PTTG1IP2: variants seen among roughly 807,000 people sequenced by gnomAD.
PTTG1IP2 encodes PTTG1IP family member 2.
chr7:90,484,864 GA>G (rs1797850910), intron 2 of PTTG1IP2, among the ~76,000 whole-genome samples: 1 of 152,138 alleles, frequency 6.6e-6, no homozygotes. Context: ...TCTGGGAATT[GA>G]CTTTATTTTT....
At chr7:90,498,504 G>A (rs547195405) in intron 6 of PTTG1IP2, among the ~76,000 whole-genome samples, 4 of 150,648 alleles carry the variant, frequency 2.7e-5, no homozygotes, top group African/African-American at 1.0e-4. Flanking sequence ...GAAACCAAAA[G>A]AGAGCAGGGG....
At chr7:90,488,291 A>G (rs555454614) in intron 3 of PTTG1IP2, among the ~76,000 whole-genome samples, 44 of 149,632 alleles carry the variant, frequency 2.9e-4, no homozygotes, top group Non-Finnish European at 5.5e-4. Context: ...TTGCCTTATA[A>G]AGAAGTTACA....
At chr7:90,503,779 T>C (rs764146410) in intron 6 of PTTG1IP2, among the ~76,000 whole-genome samples, 2 of 152,134 alleles carry the variant, frequency 1.3e-5, no homozygotes, top group Non-Finnish European at 2.9e-5. Context: ...TCATCATGGA[T>C]CACCATAACA....
At chr7:90,503,811 T>A (rs1798087355) in intron 6 of PTTG1IP2, among the ~76,000 whole-genome samples, 1 of 152,168 alleles carries the variant, frequency 6.6e-6, no homozygotes, top group Admixed American at 6.6e-5. Flanking sequence ...AATGAACAAC[T>A]TTGAAATATT....
At chr7:90,505,529 A>G (rs1050543310) in intron 6 of PTTG1IP2, among the ~76,000 whole-genome samples, 13 of 152,218 alleles carry the variant, frequency 8.5e-5, no homozygotes, top group African/African-American at 2.7e-4. Context: ...ACAAATTGTG[A>G]CTCAAAATCA....
chr7:90,473,493 A>T (rs1377864756), intron 1 of PTTG1IP2, among the ~76,000 whole-genome samples: 1 of 152,212 alleles, frequency 6.6e-6, no homozygotes, highest in African/African-American at 2.4e-5. Flanking sequence ...ATGGGGAAGG[A>T]GCAAACCCTA....
chr7:90,484,286 T>C (rs1046375486), intron 2 of PTTG1IP2, among the ~76,000 whole-genome samples: 1 of 152,154 alleles, frequency 6.6e-6, no homozygotes, highest in Non-Finnish European at 1.5e-5. Flanking sequence ...CCATTTGCTT[T>C]ATACAATCTT....
chr7:90,471,069 C>T (rs1334443623), intron 1 of PTTG1IP2, among the ~76,000 whole-genome samples: 2 of 152,112 alleles, frequency 1.3e-5, no homozygotes, highest in Non-Finnish European at 2.9e-5. Context: ...AGCTAGCTCA[C>T]TTCTAGGGCT....
In PTTG1IP2 at chr7:90,482,529, A is replaced by G. The variant is rs143663403; in HGVS notation, c.192+3255A>G. On this transcript the variant is annotated intron_variant, in intron 2 of 6. Transcript: ENST00000509356. ...AACCCCCCCCCCACACAACTCATAA[A>G]CATAGCGTATGAAAAACATATTATA... is the stretch of plus-strand genomic sequence containing the variant. 5.3e-5 allele frequency among the ~76,000 whole-genome samples: 8 copies of G among 149,844 alleles called. No homozygotes were observed. In the East Asian group the frequency reaches 6.3e-4, roughly 12 times the overall value.
At chr7:90,487,863 AT>A (rs1346763982) in intron 3 of PTTG1IP2, among the ~76,000 whole-genome samples, 12 of 152,028 alleles carry the variant, frequency 7.9e-5, no homozygotes, top group Admixed American at 7.2e-4. Flanking sequence ...GAATTCCAGG[AT>A]TTTTTTTATA....
intron 2 of PTTG1IP2, among the ~76,000 whole-genome samples, chr7:90,483,755 C>T (rs1797838914): frequency 6.6e-6 from 1 of 152,300 alleles, no homozygotes; most frequent in Non-Finnish European, 1.5e-5. Context: ...TGGCTTTATA[C>T]AGGCCCTATT....
intron 1 of PTTG1IP2, among the ~76,000 whole-genome samples, chr7:90,478,512 A>C (rs177660): frequency 0.048 from 7,240 of 152,296 alleles, 215 homozygotes; most frequent in Middle Eastern, 0.12. Flanking sequence ...CATCCAATCA[A>C]ACAATTTGAA....
chr7:90,481,039 G>A (rs1164949699), intron 2 of PTTG1IP2, among the ~76,000 whole-genome samples: 4 of 152,226 alleles, frequency 2.6e-5, no homozygotes, highest in Non-Finnish European at 4.4e-5. Flanking sequence ...TTTTTTGGTA[G>A]GAATGCTTCA....
intron 4 of PTTG1IP2, among the ~76,000 whole-genome samples, chr7:90,491,148 T>G (rs1797933360): frequency 6.6e-6 from 1 of 152,224 alleles, no homozygotes; most frequent in Admixed American, 6.5e-5. Context: ...ATATTATTGT[T>G]CAATAGTTAT....
At chr7:90,471,231 T>A (rs767603099) in intron 1 of PTTG1IP2, among the ~76,000 whole-genome samples, 1 of 152,164 alleles carries the variant, frequency 6.6e-6, no homozygotes, top group East Asian at 1.9e-4. Context: ...ATCATGATAC[T>A]TTTCACTTCC....
chr7:90,474,360 C>G (rs549272288), intron 1 of PTTG1IP2, among the ~76,000 whole-genome samples: 3 of 152,240 alleles, frequency 2.0e-5, no homozygotes, highest in Admixed American at 1.3e-4. Flanking sequence ...TATGACAGTG[C>G]TGGAAAACAA....
chr7:90,472,279 A>AAC (rs144907444), intron 1 of PTTG1IP2, among the ~76,000 whole-genome samples: 39,074 of 136,944 alleles, frequency 0.29, 6,509 homozygotes, highest in Non-Finnish European at 0.42. Context: ...ATAGCATGCA[A>AAC]ACACACACAC....
chr7:90,474,272 A>G (rs954149731), intron 1 of PTTG1IP2, among the ~76,000 whole-genome samples: 2 of 152,224 alleles, frequency 1.3e-5, no homozygotes, highest in Non-Finnish European at 2.9e-5. Context: ...TTATAATCTG[A>G]AGGGATGGCT....
intron 1 of PTTG1IP2, among the ~76,000 whole-genome samples, chr7:90,475,633 G>C (rs1015153600): frequency 5.9e-5 from 9 of 152,088 alleles, no homozygotes; most frequent in African/African-American, 1.7e-4. Context: ...GAGAGAAATG[G>C]AAGAGAGGAA....
Sources: allele counts gnomAD v4.1 joint callset (sites outside exome capture counted in the v4.1 genomes callset), GRCh38; gene constraint gnomAD v4.1.1; transcripts MANE v1.5; gene names NCBI Gene and HGNC (gene_info 2026-07-23, HGNC 2026-07-21).